Variants in PCM1 observed in about 807,000 individuals in gnomAD.
The protein encoded by PCM1 is pericentriolar material 1.
Under a neutral mutation model 241.9 loss-of-function variants are expected in PCM1, and 157 were observed. The observed-to-expected ratio is 0.65, with a 90% CI of 0.57 to 0.74. The LOEUF is 0.74. PCM1 is among the 30% of genes least tolerant of loss of function. The pLI, the probability that PCM1 is intolerant of heterozygous loss-of-function variation, is 0.00. For missense variants in PCM1, 3,478 were observed against 2,360.1 expected (o/e 1.47, Z -9.81); for synonymous variants, 1,085 against 784.9 (o/e 1.38, Z -6.39).
At chr8:18,003,744 C>T (rs779087497) in intron 29 of PCM1, among the ~76,000 whole-genome samples, 1 of 151,880 alleles carries the variant, frequency 6.6e-6, no homozygotes, top group Non-Finnish European at 1.5e-5. Context: ...AATTTATTTC[C>T]TGTTACTTAT....
chr8:18,011,382 C>G lies in PCM1; in HGVS notation c.5350+16C>G, dbSNP rs770620171. 3.7e-5 allele frequency: 56 copies of G among 1,515,000 alleles called. No individual in the cohort carries two copies. Among genetic ancestry groups the G allele is most frequent in the Non-Finnish European group, 4.8e-5 (55 of 1,139,494 alleles). 93.8% of individuals were successfully genotyped at this position (1,515,000 alleles called of 1,614,324 possible). A position where few individuals can be genotyped will look rare whatever the true frequency, so the allele number is the denominator to read the frequency against. ...GTGTCTATTAGTAAGTTTAAAGGCT[C>G]TGTACTATCTTTATACTTTAGTTTT... On this transcript the variant is annotated intron_variant, in intron 33 of 38. Coordinates refer to ENST00000325083, the MANE Select transcript of PCM1 (RefSeq NM_006197.4).
intron 7 of PCM1, among the ~76,000 whole-genome samples, chr8:17,948,569 C>G (rs539178630): frequency 6.6e-6 from 1 of 152,020 alleles, no homozygotes; most frequent in Non-Finnish European, 1.5e-5. Context: ...TCCCAAAGTG[C>G]TGGGATTACA....
Position 17,985,994 on chromosome 8 carries a change from A to T in PCM1, c.4317A>T (p.Glu1439Asp). ...IVSRHISESH[E>D]KGENVKSVNS... ...CCAGACATATTTCTGAGAGCCATGA[A>T]AAAGGAGAAAATGTAAAGTCAGTAA... The change falls in exon 26 of 39, where the codon GAA becomes GAT. Residue 1439 changes from glutamate to aspartate, a missense_variant. Coordinates refer to ENST00000325083, the MANE Select transcript of PCM1 (RefSeq NM_006197.4). The T allele has an allele frequency of 6.3e-7, 1 of 1,587,770 alleles. No individual in the cohort carries two copies. The highest frequency in any genetic ancestry group is 8.6e-7 in the Non-Finnish European group (1 of 1,160,948).
chr8:17,995,469 G>C (rs2086351251), intron 29 of PCM1, among the ~76,000 whole-genome samples: 1 of 151,338 alleles, frequency 6.6e-6, no homozygotes, highest in African/African-American at 2.5e-5. Flanking sequence ...GGTTACTATA[G>C]CTCTGTGGTA....
chr8:17,961,785 A>G (rs965669322), intron 15 of PCM1, among the ~76,000 whole-genome samples: 4 of 152,160 alleles, frequency 2.6e-5, no homozygotes, highest in Admixed American at 2.6e-4. Context: ...TAAGTATACA[A>G]AATTTTCCAT....
At chr8:17,986,258 A>G (rs548983901) in intron 26 of PCM1, 171 bp downstream of exon 26, 17 of 450,842 alleles carry the variant, frequency 3.8e-5, no homozygotes, top group African/African-American at 3.3e-4. Flanking sequence ...ATAATATGCA[A>G]TCAAAATATG....
chr8:17,945,954 T>C, intron 6 of PCM1, among the ~76,000 whole-genome samples: 1 of 152,190 alleles, frequency 6.6e-6, no homozygotes, highest in East Asian at 1.9e-4. Flanking sequence ...CGTTCAACTT[T>C]TAAAATAAAA....
intron 23 of PCM1, among the ~76,000 whole-genome samples, chr8:17,977,495 G>C (rs1321388715): frequency 6.6e-6 from 1 of 152,230 alleles, no homozygotes; most frequent in Admixed American, 6.5e-5. Flanking sequence ...GAAGATGCAA[G>C]CAAGGCTTTA....
intron 27 of PCM1, 49 bp downstream of exon 27, chr8:17,990,028 T>C: frequency 7.0e-7 from 1 of 1,436,012 alleles, no homozygotes; most frequent in Non-Finnish European, 9.2e-7. Context: ...GTTGATCTGG[T>C]CCAGTCTTTG....
intron 15 of PCM1, 89 bp downstream of exon 15, chr8:17,960,533 C>CTTTTTCTTT: frequency 3.3e-6 from 2 of 602,586 alleles, no homozygotes; most frequent in Admixed American, 7.6e-5. Flanking sequence ...TTTTGTTTTT[C>CTTTTTCTTT]TTTTTTTTTG....
intron 4 of PCM1, among the ~76,000 whole-genome samples, chr8:17,937,927 G>A (rs1464074680): frequency 6.6e-6 from 1 of 152,074 alleles, no homozygotes. Flanking sequence ...AATGATGTTG[G>A]TAATGATCAT....
At chr8:17,988,487 A>G (rs1002805311) in intron 26 of PCM1, among the ~76,000 whole-genome samples, 1 of 151,876 alleles carries the variant, frequency 6.6e-6, no homozygotes, top group African/African-American at 2.4e-5. Context: ...TGACCTTGAC[A>G]TAGGCTAAGT....
At chr8:17,992,610 C>CTTTTTTTTTT (rs71545503) in intron 28 of PCM1, among the ~76,000 whole-genome samples, 2 of 128,430 alleles carry the variant, frequency 1.6e-5, no homozygotes. Flanking sequence ...ACTACTACTA[C>CTTTTTTTTTT]TTTTTTTTTT....
At position 17,969,634 on chromosome 8, in the gene PCM1, C is replaced by T; in HGVS notation, c.3470C>T (p.Ser1157Phe). Residue 1157 changes from serine to phenylalanine, a missense_variant, in exon 22 of 39, where the codon TCT (serine) becomes TTT (phenylalanine). Coordinates refer to ENST00000325083, the MANE Select transcript of PCM1 (RefSeq NM_006197.4). ...TTTGGAGATTTTTCTCAGAATATCT[C>T]TACACCCAGTGAACAGCAGCAACCC... ...SNFGDFSQNI[S>F]TPSEQQQPLA... 1.2e-6 allele frequency: 2 copies of T among 1,612,750 alleles called. No homozygotes were observed. Among genetic ancestry groups the T allele is most frequent in the South Asian group, 1.1e-5 (1 of 90,984 alleles).
In PCM1 at chr8:18,029,453, C is replaced by T. The variant is rs907502110; in HGVS notation, c.*1791C>T. On this transcript the variant is annotated 3_prime_UTR_variant, in exon 39 of 39. Transcript: ENST00000325083. ...CACTTTAAGCAGGAAAGGGTAAAAA[C>T]TGTTTTGGTACTCAAGCCCAGCCTT... The T allele has an allele frequency of 3.2e-5, 7 of 216,512 alleles. No individual in the cohort carries two copies. The highest frequency in any genetic ancestry group is 1.6e-4 in the African/African-American group (7 of 44,398). 13.4% of individuals were successfully genotyped at this position (216,512 alleles called of 1,614,324 possible).
At chr8:17,928,570 G>A (rs2057888902) in intron 2 of PCM1, among the ~76,000 whole-genome samples, 1 of 144,100 alleles carries the variant, frequency 6.9e-6, no homozygotes, top group African/African-American at 2.6e-5. Flanking sequence ...GAGCCCACAT[G>A]CTAGTTGCTT....
intron 13 of PCM1, among the ~76,000 whole-genome samples, chr8:17,958,326 A>T (rs1413672162): frequency 6.6e-6 from 1 of 152,192 alleles, no homozygotes; most frequent in East Asian, 1.9e-4. Context: ...ACCATATGTT[A>T]TCTTATTCAG....
intron 29 of PCM1, 125 bp downstream of exon 29, chr8:17,993,744 A>G: frequency 1.5e-6 from 1 of 684,544 alleles, no homozygotes; most frequent in Non-Finnish European, 2.3e-6. Flanking sequence ...TATCACCCAT[A>G]ATTTTTTCAC....
rs763052574 is a variant in PCM1 at position 17,963,089 on chromosome 8, TA to T, written c.2464-4del. 41 of 1,581,178 alleles carry T rather than the reference TA, an allele frequency of 2.6e-5. No homozygotes were observed. Among genetic ancestry groups the T allele is most frequent in the South Asian group, 5.8e-5 (5 of 86,872 alleles). On this transcript the variant is annotated splice_polypyrimidine_tract_variant and intron_variant, in intron 16 of 38. Transcript: ENST00000325083. ...AAATATTTATTTAACTCTGGTTTCT[TA>T]AAAAAAATAGTTGTGGTCAGAAATG...
Sources: allele counts gnomAD v4.1 joint callset (sites outside exome capture counted in the v4.1 genomes callset), GRCh38; gene constraint gnomAD v4.1.1; transcripts MANE v1.5; gene names NCBI Gene and HGNC (gene_info 2026-07-23, HGNC 2026-07-21).